The following FDFT1 variants were observed in gnomAD, a reference collection of about 807,000 sequenced individuals.
FDFT1 encodes the protein farnesyl-diphosphate farnesyltransferase 1.
A neutral mutation model predicts 46.8 loss-of-function variants in FDFT1; 68 were observed. The ratio of observed to expected loss-of-function variants is 1.45; its 90% CI spans 1.19 to 1.78. The LOEUF is 1.78. Ranked by LOEUF, FDFT1 falls within the 40% of genes most tolerant of loss-of-function variation. The probability of loss-of-function intolerance (pLI) is 0.00; values close to 1 mark genes in which losing one functional copy is unlikely to be tolerated. For synonymous variants in FDFT1, 351 were observed against 185.1 expected (o/e 1.90, Z -7.28); for missense variants, 928 against 524.4 (o/e 1.77, Z -7.52).
intron 1 of FDFT1, 188 bp downstream of exon 1, chr8:11,803,119 G>T: frequency 7.0e-7 from 1 of 1,431,726 alleles, no homozygotes. Context: ...CGTCCTGGCT[G>T]ACCTGTCCCT....
At chr8:11,807,319 T>A (rs1360496185) in intron 1 of FDFT1, among the ~76,000 whole-genome samples, 1 of 126,488 alleles carries the variant, frequency 7.9e-6, no homozygotes, top group African/African-American at 2.7e-5. Flanking sequence ...CCTGGCTTTT[T>A]AAAAAATTTT....
chr8:11,808,470 A>G, intron 1 of FDFT1: 3 of 1,288,650 alleles, frequency 2.3e-6, no homozygotes, highest in Non-Finnish European at 2.9e-6. Context: ...CGCTTCCCAG[A>G]TCTGCTTGAG....
At chr8:11,820,422 C>A (rs922266119) in intron 3 of FDFT1, among the ~76,000 whole-genome samples, 5 of 152,268 alleles carry the variant, frequency 3.3e-5, no homozygotes, top group African/African-American at 1.2e-4. Context: ...AAGCCGTCTG[C>A]TGCCTTTTGT....
rs1213791931 is a variant in FDFT1, at chr8:11,838,627, G to T, written c.*18G>T. 5 of 1,568,992 alleles carry T rather than the reference G, an allele frequency of 3.2e-6. No individual in the cohort carries two copies. The highest frequency in any genetic ancestry group is 3.3e-5 in the Admixed American group (2 of 59,960). Reference sequence around the variant, plus strand: ...AACACTGATCCCAAATTTGTCCATAGCTGAAGTCCACCATAAAGTGGATTT... The same window carrying T: ...AACACTGATCCCAAATTTGTCCATATCTGAAGTCCACCATAAAGTGGATTT... On this transcript the variant is annotated 3_prime_UTR_variant, in exon 8 of 8. Coordinates refer to ENST00000220584, the MANE Select transcript of FDFT1 (RefSeq NM_004462.5).
In FDFT1 at chr8:11,817,790, T is replaced by A. The variant is rs183095514; in HGVS notation, c.382-3960T>A. ...GCTAGCGGTCTATCAATTTTGTTGATCTTTTCAAAAAACCAGCTCCTGGAT... is the reference window on the plus strand; with the variant it reads ...GCTAGCGGTCTATCAATTTTGTTGAACTTTTCAAAAAACCAGCTCCTGGAT... On this transcript the variant is annotated intron_variant, in intron 3 of 7. Transcript: ENST00000220584. Among the ~76,000 whole-genome samples, 7 of 151,806 alleles carry A rather than the reference T, an allele frequency of 4.6e-5. No homozygotes were observed. The East Asian group carries it at 1.4e-3, about 30-fold the overall frequency.
At chr8:11,799,349 C>T (rs1484389999), upstream of FDFT1, among the ~76,000 whole-genome samples, 1 of 152,204 alleles carries the variant, frequency 6.6e-6, no homozygotes, top group Non-Finnish European at 1.5e-5. Context: ...AGGTGTTTTA[C>T]TATTGCTTAT....
At chr8:11,822,948 A>T (rs1490611273) in intron 4 of FDFT1, among the ~76,000 whole-genome samples, 6 of 152,242 alleles carry the variant, frequency 3.9e-5, no homozygotes, top group African/African-American at 1.4e-4. Context: ...TTGATCAGAT[A>T]AAATTGAATT....
At chr8:11,822,996 C>G (rs1179301928) in intron 4 of FDFT1, among the ~76,000 whole-genome samples, 1 of 151,978 alleles carries the variant, frequency 6.6e-6, no homozygotes, top group Non-Finnish European at 1.5e-5. Flanking sequence ...TTGCTGTTAT[C>G]CAGGCTGGTG....
chr8:11,809,399 C>T (rs917964916), intron 2 of FDFT1: 1 of 1,206,404 alleles, frequency 8.3e-7, no homozygotes, highest in Non-Finnish European at 1.0e-6. Flanking sequence ...CTCCATAGTT[C>T]TACATTGGTT....
chr8:11,810,071 T>A, intron 3 of FDFT1: 1 of 502,676 alleles, frequency 2.0e-6, no homozygotes, highest in Non-Finnish European at 3.5e-6. Flanking sequence ...TTACAAAGAC[T>A]CTCTGTGCCT....
rs75023336 is a variant in FDFT1, at chr8:11,804,586, T to A, written c.99+1655T>A. Among the ~76,000 whole-genome samples the A allele has an allele frequency of 7.3e-4, 109 of 149,244 alleles. 4 individuals carry two copies. In the South Asian group the frequency reaches 0.02, roughly 27 times the overall value. ...AAAATACATTTCCCTTCACTTAACA[T>A]TATCTTAGTTTCTCTTTTTTTTTTT... On this transcript the variant is annotated intron_variant, in intron 1 of 7. Coordinates refer to ENST00000220584, the MANE Select transcript of FDFT1 (RefSeq NM_004462.5).
chr8:11,827,897 AAAC>A (rs1810226666), intron 5 of FDFT1, among the ~76,000 whole-genome samples: 8 of 146,554 alleles, frequency 5.5e-5, no homozygotes, highest in African/African-American at 2.2e-4. Context: ...AAACAAAACA[AAAC>A]AAAAAAAACA....
chr8:11,817,429 C>T (rs1183057290), intron 3 of FDFT1, among the ~76,000 whole-genome samples: 1 of 152,132 alleles, frequency 6.6e-6, no homozygotes, highest in African/African-American at 2.4e-5. Flanking sequence ...GGAATAGTTT[C>T]AGAAGGAATG....
upstream of FDFT1, among the ~76,000 whole-genome samples, chr8:11,801,250 A>T (rs1806091376): frequency 6.6e-6 from 1 of 152,198 alleles, no homozygotes. Flanking sequence ...GCCTCTCAGG[A>T]TCCCTATAGG....
At position 11,838,850 on chromosome 8, in the gene FDFT1, T is replaced by C. The variant is rs1355835598; in HGVS notation, c.*241T>C. ...TGATCACTGTGCTGCTTGTGGCTCA[T>C]GGCAGAGCATTCAGTGCCACGGTTT... On this transcript the variant is annotated 3_prime_UTR_variant, in exon 8 of 8. Coordinates refer to ENST00000220584, the MANE Select transcript of FDFT1 (RefSeq NM_004462.5). The C allele has an allele frequency of 1.9e-6, 1 of 519,476 alleles. No homozygotes were observed. Among genetic ancestry groups the C allele is most frequent in the Non-Finnish European group, 3.5e-6 (1 of 288,984 alleles). 32.2% of individuals were successfully genotyped at this position (519,476 alleles called of 1,614,324 possible).
In FDFT1 at chr8:11,809,745, G is replaced by T. The variant is rs1230886136; in HGVS notation, c.276G>T (p.Lys92Asn). 1 of 1,614,042 alleles carries T rather than the reference G, an allele frequency of 6.2e-7. No individual in the cohort carries two copies. Among genetic ancestry groups the T allele is most frequent in the African/African-American group, 1.3e-5 (1 of 74,922 alleles). ...ATGACATGACCATCAGTGTGGAAAA[G>T]AAGGTCCCGCTGTTACACAACTTTC... ...LEDDMTISVE[K>N]KVPLLHNFHS... Residue 92 changes from lysine (K) to asparagine (N), a missense_variant, in exon 3 of 8, where the codon AAG (lysine) becomes AAT (asparagine). Transcript: ENST00000220584.
At chr8:11,806,379 G>T (rs1048993853) in intron 1 of FDFT1, among the ~76,000 whole-genome samples, 1 of 152,120 alleles carries the variant, frequency 6.6e-6, no homozygotes, top group African/African-American at 2.4e-5. Context: ...CTTACTAGTT[G>T]TGTCTTCCTG....
At chr8:11,813,834 G>A (rs1406595628) in intron 3 of FDFT1, among the ~76,000 whole-genome samples, 3 of 152,204 alleles carry the variant, frequency 2.0e-5, no homozygotes, top group Non-Finnish European at 4.4e-5. Flanking sequence ...CAATTCACAT[G>A]TCACGGCTTA....
intron 3 of FDFT1, among the ~76,000 whole-genome samples, chr8:11,814,689 A>G (rs965491957): frequency 6.6e-6 from 1 of 152,226 alleles, no homozygotes; most frequent in African/African-American, 2.4e-5. Flanking sequence ...GGCTTGGACT[A>G]TGGAAAAAGT....
Sources: allele counts gnomAD v4.1 joint callset (sites outside exome capture counted in the v4.1 genomes callset), GRCh38; gene constraint gnomAD v4.1.1; transcripts MANE v1.5; gene names NCBI Gene and HGNC (gene_info 2026-07-23, HGNC 2026-07-21).